MCTP2: variants seen among roughly 807,000 people sequenced by gnomAD.
MCTP2 encodes multiple C2 and transmembrane domain containing 2.
Under a neutral mutation model 111.6 loss-of-function variants are expected in MCTP2, and 132 were observed. The ratio of observed to expected loss-of-function variants is 1.18; its 90% CI spans 1.03 to 1.37. The LOEUF is 1.37. Among genes scored for constraint, MCTP2 ranks in the 40% most tolerant of loss-of-function variants. The pLI, the probability that MCTP2 is intolerant of heterozygous loss-of-function variation, is 0.00. For missense variants in MCTP2, 1,183 were observed against 1,067.9 expected, an observed-to-expected ratio of 1.11 and a Z score of -1.50; for synonymous variants, 395 against 387.7, an observed-to-expected ratio of 1.02 and a Z score of -0.22.
intron 21 of MCTP2, among the ~76,000 whole-genome samples, chr15:94,474,830 A>G (rs1009964879): frequency 2.1e-4 from 32 of 151,174 alleles, no homozygotes; most frequent in African/African-American, 7.8e-4. Context: ...GAAACATGCA[A>G]TCTGAGTGCC....
intron 17 of MCTP2, among the ~76,000 whole-genome samples, chr15:94,417,162 C>T (rs1452456876): frequency 6.6e-6 from 1 of 152,002 alleles, no homozygotes; most frequent in Non-Finnish European, 1.5e-5. Flanking sequence ...ATAAACAATC[C>T]CTTGGCTTTG....
intron 4 of MCTP2, among the ~76,000 whole-genome samples, chr15:94,324,223 C>A (rs1458325826): frequency 1.3e-5 from 2 of 152,226 alleles, no homozygotes; most frequent in African/African-American, 4.8e-5. Flanking sequence ...TGAACTTCAG[C>A]CTTGCGATAT....
chr15:94,307,378 A>G (rs1363786341), intron 2 of MCTP2, among the ~76,000 whole-genome samples: 1 of 152,146 alleles, frequency 6.6e-6, no homozygotes, highest in African/African-American at 2.4e-5. Flanking sequence ...GGTTGTGTGC[A>G]TAGCTAGAGA....
In MCTP2 at chr15:94,400,096, C is replaced by T. The variant is rs2081490613; in HGVS notation, c.1965+101C>T. The T allele has an allele frequency of 1.9e-5, 17 of 908,682 alleles. No individual in the cohort carries two copies. The South Asian group carries it at 2.3e-4, about 12-fold the overall frequency. 56.3% of individuals were successfully genotyped at this position (908,682 alleles called of 1,614,324 possible). The stretch of plus-strand genomic sequence containing the variant: ...AATTTCTTCCTTGAAACTTTTCCTC[C>T]CTCTTACTCCTCCTCTCTCCCTCTT... On this transcript the variant is annotated intron_variant, in intron 16 of 22. Coordinates refer to ENST00000357742, the MANE Select transcript of MCTP2 (RefSeq NM_001385001.1).
Position 94,260,798 on chromosome 15 carries a change from G to A in MCTP2, c.-66+29134G>A, listed in dbSNP as rs148908184. Among the ~76,000 whole-genome samples the A allele has an allele frequency of 7.2e-5, 11 of 152,156 alleles. No individual in the cohort carries two copies. In the East Asian group the frequency reaches 1.7e-3, roughly 24 times the overall value. ...TCTTCTCAGCCAACGGCATTCCAACGTTAACCTGAAAAAATGAGTTCAGGC... is the reference window on the plus strand; with the variant it reads ...TCTTCTCAGCCAACGGCATTCCAACATTAACCTGAAAAAATGAGTTCAGGC... On this transcript the variant is annotated intron_variant, in intron 1 of 22. Transcript: ENST00000357742.
At chr15:94,245,142 A>T (rs1275372187) in intron 1 of MCTP2, among the ~76,000 whole-genome samples, 6 of 148,576 alleles carry the variant, frequency 4.0e-5, no homozygotes, top group African/African-American at 1.5e-4. Flanking sequence ...GTATATATTT[A>T]TACACACATG....
chr15:94,340,745 C>G, intron 6 of MCTP2, 68 bp from the exon 7 acceptor site: 1 of 922,144 alleles, frequency 1.1e-6, no homozygotes, highest in Admixed American at 2.3e-5. Context: ...CCATAAGCTC[C>G]TGATGCGTGT....
intron 1 of MCTP2, among the ~76,000 whole-genome samples, chr15:94,245,577 C>T (rs1010171356): frequency 2.0e-4 from 28 of 139,448 alleles, no homozygotes; most frequent in African/African-American, 6.3e-4. Flanking sequence ...TGTATATATA[C>T]GTATATGTAC....
intron 1 of MCTP2, among the ~76,000 whole-genome samples, chr15:94,272,669 A>G (rs989254702): frequency 6.6e-6 from 1 of 152,110 alleles, no homozygotes; most frequent in Non-Finnish European, 1.5e-5. Flanking sequence ...CACTTCCTCT[A>G]TAAAACACCC....
intron 17 of MCTP2, among the ~76,000 whole-genome samples, chr15:94,408,556 T>C (rs2082009100): frequency 6.6e-6 from 1 of 152,254 alleles, no homozygotes; most frequent in Admixed American, 6.5e-5. Context: ...ATTGTGAGCA[T>C]AATTTTTACA....
At chr15:94,262,635 C>A (rs1055750930) in intron 1 of MCTP2, among the ~76,000 whole-genome samples, 2 of 151,066 alleles carry the variant, frequency 1.3e-5, no homozygotes, top group East Asian at 3.9e-4. Flanking sequence ...GCATATAACT[C>A]TCTATGGAAA....
At chr15:94,284,526 G>A (rs1219940478) in intron 1 of MCTP2, among the ~76,000 whole-genome samples, 1 of 152,152 alleles carries the variant, frequency 6.6e-6, no homozygotes, top group Non-Finnish European at 1.5e-5. Context: ...TTATCATTGT[G>A]GGTAAAATTC....
intron 10 of MCTP2, among the ~76,000 whole-genome samples, chr15:94,364,360 C>G (rs2079081397): frequency 6.6e-6 from 1 of 152,176 alleles, no homozygotes; most frequent in Non-Finnish European, 1.5e-5. Flanking sequence ...TGTACCCTAC[C>G]CATAAGACAT....
intron 15 of MCTP2, 29 bp downstream of exon 15, chr15:94,399,091 CTTTCCCGTACCTAAAATAGAA>C (rs780949884): frequency 1.7e-5 from 19 of 1,129,844 alleles, no homozygotes; most frequent in Non-Finnish European, 2.3e-5. Flanking sequence ...TACTTCCCGG[CTTTCCCGTACCTAAAATAGAA>C]GGTGACCAGC....
intron 1 of MCTP2, among the ~76,000 whole-genome samples, chr15:94,291,110 A>G (rs761113210): frequency 6.6e-6 from 1 of 152,206 alleles, no homozygotes; most frequent in Non-Finnish European, 1.5e-5. Flanking sequence ...ATTTACCAAG[A>G]CAGTCCACAT....
chr15:94,378,075 G>C (rs1264465823), intron 12 of MCTP2, among the ~76,000 whole-genome samples: 1 of 152,096 alleles, frequency 6.6e-6, no homozygotes, highest in East Asian at 1.9e-4. Context: ...GGAATGATAT[G>C]ATCCGATATA....
chr15:94,381,170 G>T (rs1213560894), intron 12 of MCTP2, among the ~76,000 whole-genome samples: 1 of 152,166 alleles, frequency 6.6e-6, no homozygotes, highest in Admixed American at 6.5e-5. Context: ...CATTTATTAT[G>T]AGAGATACTT....
At chr15:94,347,003 T>C (rs1212971280) in intron 8 of MCTP2, among the ~76,000 whole-genome samples, 2 of 152,148 alleles carry the variant, frequency 1.3e-5, no homozygotes, top group Non-Finnish European at 2.9e-5. Context: ...AGTATACATG[T>C]TTAATAAAAT....
chr15:94,462,187 T>C (rs961904119), intron 20 of MCTP2, among the ~76,000 whole-genome samples: 1 of 152,196 alleles, frequency 6.6e-6, no homozygotes, highest in Non-Finnish European at 1.5e-5. Context: ...CCAGAGAATA[T>C]ACCTGCACCC....
Sources: gnomAD v4.1 joint callset for allele counts (sites outside exome capture counted in the v4.1 genomes callset) on GRCh38, gnomAD v4.1.1 for gene constraint, MANE v1.5 for transcripts, NCBI Gene and HGNC (gene_info 2026-07-23, HGNC 2026-07-21) for gene names.